Variants in HEPACAM observed in about 807,000 individuals in gnomAD.
HEPACAM encodes hepatic and glial cell adhesion molecule, also known as hepatocyte cell adhesion molecule.
A neutral mutation model predicts 38.3 loss-of-function variants in HEPACAM; 18 were observed. That is an observed-to-expected ratio of 0.47 (90% CI 0.33 to 0.70). HEPACAM has a LOEUF of 0.70. HEPACAM is among the 30% of genes least tolerant of loss of function. The pLI is 0.03. For synonymous variants in HEPACAM, 216 were observed against 243.1 expected (o/e 0.89, Z 1.04); for missense variants, 466 against 563.0 (o/e 0.83, Z 1.74).
chr11:124,922,157 C>G (rs1042068391), intron 6 of HEPACAM, among the ~76,000 whole-genome samples: 1 of 152,158 alleles, frequency 6.6e-6, no homozygotes, highest in Non-Finnish European at 1.5e-5. Context: ...CTAGGTTGCA[C>G]GCTCTTTAAG....
At chr11:124,922,707 T>A (rs1430858261) in intron 5 of HEPACAM, 38 bp downstream of exon 5, 3 of 1,614,134 alleles carry the variant, frequency 1.9e-6, no homozygotes, top group Non-Finnish European at 2.5e-6. Context: ...CTGATCTGAT[T>A]GTTGATGGGA....
chr11:124,926,800 A>G (rs10893305), intron 1 of HEPACAM, among the ~76,000 whole-genome samples: 107,637 of 151,934 alleles, frequency 0.71, 38,598 homozygotes, highest in East Asian at 0.9. Context: ...TTCTCTCCTC[A>G]TGCTTGGAGG....
At chr11:124,922,506 C>T (rs1331512553) in intron 5 of HEPACAM, 48 bp from the exon 6 acceptor site, 1 of 1,603,666 alleles carries the variant, frequency 6.2e-7, no homozygotes, top group Non-Finnish European at 8.5e-7. Flanking sequence ...CAGACTCTCC[C>T]CACCAGCCGG....
chr11:124,924,227 C>A lies in HEPACAM; in HGVS notation c.428-217G>T, dbSNP rs1310700180. Among the ~76,000 whole-genome samples, 1 of 152,150 alleles carries A rather than the reference C, an allele frequency of 6.6e-6. No homozygotes were observed. The highest frequency in any genetic ancestry group is 2.4e-5 in the African/African-American group (1 of 41,426). On this transcript the variant is annotated intron_variant, in intron 2 of 6. Transcript: ENST00000298251. The surrounding 1 kb of genome is among the most constrained non-coding windows in gnomAD (Gnocchi z 4.4). ...GAGCACCAATTAGGCATGGCGGGTA[C>A]AATGCTGAACAATGCAGACATGGTG...
intron 1 of HEPACAM, among the ~76,000 whole-genome samples, chr11:124,933,276 A>AT (rs796631565): frequency 1.3e-5 from 2 of 152,146 alleles, no homozygotes; most frequent in African/African-American, 4.8e-5. Flanking sequence ...GGTTCAAGCA[A>AT]TCCTCCCACC....
At chr11:124,923,298 G>C (rs1947164131) in intron 4 of HEPACAM, 42 bp downstream of exon 4, 1 of 1,267,630 alleles carries the variant, frequency 7.9e-7, no homozygotes, top group Admixed American at 1.7e-5. Flanking sequence ...TTAGGTTTGG[G>C]ATGGATTGAA....
In HEPACAM at chr11:124,921,426, G is replaced by A. The variant is rs986357863; in HGVS notation, c.963C>T (p.Thr321=). Residue 321 remains threonine, a synonymous_variant, in exon 7 of 7, where the codon ACC becomes ACT. Coordinates refer to ENST00000298251, the MANE Select transcript of HEPACAM (RefSeq NM_152722.5). The surrounding 1 kb of genome is among the most constrained non-coding windows in gnomAD (Gnocchi z 4.6). Reference sequence around the variant, plus strand: ...GAGGCTCCGGGGCCGGGTTCTCCTCGGTCTCCGGGGAGTCCTGCAAGGACA... The same window carrying A: ...GAGGCTCCGGGGCCGGGTTCTCCTCAGTCTCCGGGGAGTCCTGCAAGGACA... ...YILKDKDSPE[T]EENPAPEPRS... The A allele has an allele frequency of 7.9e-7, 1 of 1,269,372 alleles. No individual in the cohort carries two copies. The highest frequency in any genetic ancestry group is 3.2e-5 in the South Asian group (1 of 31,276). The allele number at this position is 1,269,372 out of a possible 1,614,324, so 78.6% of individuals were successfully genotyped here.
chr11:124,927,406 G>A (rs1160831597), intron 1 of HEPACAM, among the ~76,000 whole-genome samples: 14 of 149,710 alleles, frequency 9.4e-5, no homozygotes, highest in Non-Finnish European at 2.1e-4. Context: ...GCAGTGGGGC[G>A]ATCTTGGCTA....
chr11:124,926,547 C>G lies in HEPACAM; in HGVS notation c.86-1478G>C, dbSNP rs541024675. On this transcript the variant is annotated intron_variant, in intron 1 of 6. Coordinates refer to ENST00000298251, the MANE Select transcript of HEPACAM (RefSeq NM_152722.5). ...AAAAGATGCTGTTATTTGGTGTCAC[C>G]TGGCCTTGTAGAGCAATCCAACCAC... Among the ~76,000 whole-genome samples, 3 of 152,266 alleles carry G rather than the reference C, an allele frequency of 2.0e-5. No homozygotes were observed. The South Asian group carries it at 6.2e-4, about 32-fold the overall frequency.
At chr11:124,929,979 C>T (rs1052287728) in intron 1 of HEPACAM, among the ~76,000 whole-genome samples, 2 of 152,052 alleles carry the variant, frequency 1.3e-5, no homozygotes, top group Non-Finnish European at 1.5e-5. Context: ...CTATACACAC[C>T]TTATCCATAT....
At chr11:124,922,268 T>A in intron 6 of HEPACAM, 120 bp downstream of exon 6, 1 of 1,099,796 alleles carries the variant, frequency 9.1e-7, no homozygotes. Context: ...CAGTCCCTGG[T>A]GCCAAAACCG....
chr11:124,920,005 G>C lies in HEPACAM; in HGVS notation c.*1133C>G. ...CACAGCGGCCCAGCCTCTTTATTTT[G>C]ATGTTAGTGTGATTAGGGAGTCTGC... On this transcript the variant is annotated 3_prime_UTR_variant, in exon 7 of 7. Transcript: ENST00000298251. 4 of 1,612,758 alleles carry C rather than the reference G, an allele frequency of 2.5e-6. No homozygotes were observed. Among genetic ancestry groups the C allele is most frequent in the Non-Finnish European group, 3.4e-6 (4 of 1,179,848 alleles).
At chr11:124,923,559 G>C (rs879490118) in intron 3 of HEPACAM, 126 bp from the exon 4 acceptor site, 125 of 1,091,950 alleles carry the variant, frequency 1.1e-4, no homozygotes, top group Non-Finnish European at 1.5e-4. Flanking sequence ...GATGCTGGTG[G>C]TGGAGCTTGT....
Position 124,920,502 on chromosome 11 carries a change from A to C in HEPACAM, c.*636T>G, listed in dbSNP as rs1346904095. ...TCAGAGGGAAAAGGAATGTACTCGT[A>C]CCCTTCCCTCACCACCTTGTAGGTC... On this transcript the variant is annotated 3_prime_UTR_variant, in exon 7 of 7. Transcript: ENST00000298251. 6.7e-7 allele frequency: 1 copy of C among 1,490,950 alleles called. No individual in the cohort carries two copies. The highest frequency in any genetic ancestry group is 9.0e-7 in the Non-Finnish European group (1 of 1,111,290). 92.4% of individuals were successfully genotyped at this position (1,490,950 alleles called of 1,614,324 possible). A position where few individuals can be genotyped will look rare whatever the true frequency, so the allele number is the denominator to read the frequency against.
At chr11:124,926,661 C>G (rs908024214) in intron 1 of HEPACAM, among the ~76,000 whole-genome samples, 1 of 152,174 alleles carries the variant, frequency 6.6e-6, no homozygotes, top group African/African-American at 2.4e-5. Context: ...CTCAGTCCCT[C>G]TGCACCCCTT....
intron 1 of HEPACAM, among the ~76,000 whole-genome samples, chr11:124,934,298 G>T (rs989544320): frequency 6.6e-6 from 1 of 151,912 alleles, no homozygotes; most frequent in African/African-American, 2.4e-5. Context: ...TTCAGTCCAT[G>T]TTATTTCTCC....
In HEPACAM at chr11:124,920,648, TG is replaced by T. The variant is rs990908894; in HGVS notation, c.*489del. The T allele has an allele frequency of 3.1e-6, 3 of 965,282 alleles. No individual in the cohort carries two copies. In the African/African-American group the frequency reaches 6.4e-5, roughly 21 times the overall value. 59.8% of individuals were successfully genotyped at this position (965,282 alleles called of 1,614,324 possible). A position where few individuals can be genotyped will look rare whatever the true frequency, so the allele number is the denominator to read the frequency against. On this transcript the variant is annotated 3_prime_UTR_variant, in exon 7 of 7. Transcript: ENST00000298251. ...CTTAGCTTAGTGCAGCTGTGGATTC[TG>T]GGAAAGTGGCCTCTCTAATCTGAAC... is the stretch of plus-strand genomic sequence containing the variant.
intron 1 of HEPACAM, among the ~76,000 whole-genome samples, chr11:124,928,755 G>C (rs553166124): frequency 6.6e-6 from 1 of 152,124 alleles, no homozygotes; most frequent in African/African-American, 2.4e-5. Context: ...GCCCTCTCCC[G>C]ACTTAAGAGT....
intron 6 of HEPACAM, 99 bp downstream of exon 6, chr11:124,922,289 C>A: frequency 7.9e-7 from 1 of 1,273,200 alleles, no homozygotes; most frequent in Non-Finnish European, 1.2e-6. Context: ...TTGGGGACTG[C>A]TGCTATAAAG....
Sources: allele counts gnomAD v4.1 joint callset (sites outside exome capture counted in the v4.1 genomes callset), GRCh38; gene constraint gnomAD v4.1.1; non-coding constraint Gnocchi (gnomAD v3.1); transcripts MANE v1.5; gene names NCBI Gene and HGNC (gene_info 2026-07-23, HGNC 2026-07-21).